Variants in C8A observed in about 807,000 individuals in gnomAD.
C8A encodes the protein complement component C8 alpha chain.
In C8A, 67 loss-of-function variants were observed where a neutral mutation model predicts 65.3. That is an observed-to-expected ratio of 1.03 (90% CI 0.84 to 1.26). C8A has a LOEUF of 1.26. C8A is among the 50% of genes most tolerant of loss of function. C8A has a pLI of 0.00. For missense variants in C8A, 781 were observed against 723.9 expected (o/e 1.08, Z -0.90); for synonymous variants, 290 against 259.4 (o/e 1.12, Z -1.13).
At chr1:56,899,013 G>A (rs1461211963) in intron 7 of C8A, among the ~76,000 whole-genome samples, 2 of 152,058 alleles carry the variant, frequency 1.3e-5, no homozygotes, top group Non-Finnish European at 2.9e-5. Context: ...TAACCAACCA[G>A]TCACCCGAAC....
intron 1 of C8A, among the ~76,000 whole-genome samples, chr1:56,860,136 T>A (rs1457546874): frequency 6.6e-6 from 1 of 152,072 alleles, no homozygotes; most frequent in African/African-American, 2.4e-5. Flanking sequence ...TTAGAGGATA[T>A]CAGAGCAATC....
At chr1:56,910,910 G>GA (rs762577659) in intron 9 of C8A, among the ~76,000 whole-genome samples, 6 of 152,184 alleles carry the variant, frequency 3.9e-5, no homozygotes, top group Non-Finnish European at 8.8e-5. Context: ...CTTGCTCTGT[G>GA]ACCTTGGCAA....
At position 56,902,716 on chromosome 1, in the gene C8A, A is replaced by T. The variant is rs1363412904; in HGVS notation, c.1097-3951A>T. Among the ~76,000 whole-genome samples, 5 of 152,252 alleles carry T rather than the reference A, an allele frequency of 3.3e-5. No individual in the cohort carries two copies. In the East Asian group the frequency reaches 7.7e-4, roughly 24 times the overall value. Reference sequence around the variant, plus strand: ...ATTCTATATATCTGACTATTCATATATCTAATATAAGTGGAATCAGGCAGT... The same window carrying T: ...ATTCTATATATCTGACTATTCATATTTCTAATATAAGTGGAATCAGGCAGT... On this transcript the variant is annotated intron_variant, in intron 7 of 10. Transcript: ENST00000361249.
At chr1:56,910,198 G>A (rs1741988) in intron 9 of C8A, among the ~76,000 whole-genome samples, 15,608 of 152,206 alleles carry the variant, frequency 0.1, 1,251 homozygotes, top group African/African-American at 0.22. Flanking sequence ...TATAGCAAGT[G>A]CTTAGAGTTT....
chr1:56,884,113 A>G (rs1397329816), intron 6 of C8A, among the ~76,000 whole-genome samples: 2 of 152,018 alleles, frequency 1.3e-5, no homozygotes, highest in Non-Finnish European at 2.9e-5. Flanking sequence ...AACCTTCACC[A>G]TTAAGTGCCT....
chr1:56,856,918 C>T (rs1473700837), intron 1 of C8A, among the ~76,000 whole-genome samples: 1 of 152,030 alleles, frequency 6.6e-6, no homozygotes, highest in Non-Finnish European at 1.5e-5. Context: ...TAATCTTCAG[C>T]CTCAAAATCT....
intron 7 of C8A, among the ~76,000 whole-genome samples, chr1:56,888,325 G>A (rs856846): frequency 0.011 from 1,617 of 152,022 alleles, 21 homozygotes; most frequent in African/African-American, 0.028. Context: ...TAATTCATCC[G>A]TCTACATATT....
At chr1:56,878,650 A>T (rs927772817) in intron 4 of C8A, among the ~76,000 whole-genome samples, 28 of 152,072 alleles carry the variant, frequency 1.8e-4, no homozygotes, top group African/African-American at 6.8e-4. Flanking sequence ...CATTTCCCAG[A>T]TTAAAATTTT....
chr1:56,860,213 A>G (rs1267244791), intron 1 of C8A, among the ~76,000 whole-genome samples: 1 of 152,202 alleles, frequency 6.6e-6, no homozygotes, highest in Non-Finnish European at 1.5e-5. Flanking sequence ...GAAGGGCGGT[A>G]GTGAGAAGCC....
intron 1 of C8A, among the ~76,000 whole-genome samples, chr1:56,866,598 G>A (rs113358582): frequency 6.6e-6 from 1 of 152,194 alleles, no homozygotes; most frequent in Non-Finnish European, 1.5e-5. Flanking sequence ...CTACACTAGG[G>A]TTATAATCAT....
chr1:56,898,778 C>G (rs1270502925), intron 7 of C8A, among the ~76,000 whole-genome samples: 1 of 152,120 alleles, frequency 6.6e-6, no homozygotes. Context: ...CAGCGTCTTT[C>G]TAGCTGGGGT....
intron 7 of C8A, among the ~76,000 whole-genome samples, chr1:56,888,691 A>C (rs1431902989): frequency 6.6e-6 from 1 of 152,234 alleles, no homozygotes; most frequent in Admixed American, 6.5e-5. Context: ...TAAAAAAAGC[A>C]TTTAAAAAAC....
rs751915075 is a variant in C8A, at chr1:56,876,203, C to T, written c.458C>T (p.Ala153Val). Reference sequence around the variant, plus strand: ...CCAATTCCAGGATCACAGAAGGCAGCCTTGGGGTGAGGCCCTGCCTACTAG... The same window carrying T: ...CCAATTCCAGGATCACAGAAGGCAGTCTTGGGGTGAGGCCCTGCCTACTAG... ...YEPIPGSQKA[A>V]LGYNILTQED... The change falls in exon 4 of 11, where the codon GCC (alanine) becomes GTC (valine). Residue 153 changes from alanine to valine, a missense_variant. Transcript: ENST00000361249. 8 of 1,613,752 alleles carry T rather than the reference C, an allele frequency of 5.0e-6. No individual in the cohort carries two copies. The Admixed American group carries it at 1.0e-4, about 20-fold the overall frequency.
At chr1:56,870,964 A>G (rs957016852) in intron 2 of C8A, among the ~76,000 whole-genome samples, 11 of 152,266 alleles carry the variant, frequency 7.2e-5, no homozygotes, top group African/African-American at 2.6e-4. Context: ...ACCACAGGCA[A>G]TAGCATGGAG....
chr1:56,913,768 G>A (rs965923459), intron 10 of C8A, among the ~76,000 whole-genome samples: 3 of 152,148 alleles, frequency 2.0e-5, no homozygotes, highest in African/African-American at 7.2e-5. Flanking sequence ...GAAAAACAAA[G>A]AAGTCTGGAT....
At chr1:56,866,812 A>G (rs1644093850) in intron 1 of C8A, among the ~76,000 whole-genome samples, 1 of 152,302 alleles carries the variant, frequency 6.6e-6, no homozygotes, top group Admixed American at 6.5e-5. Flanking sequence ...AGGGGGAAGT[A>G]TAGGGTAAGA....
intron 10 of C8A, among the ~76,000 whole-genome samples, chr1:56,915,528 G>A (rs564830611): frequency 5.9e-5 from 9 of 152,286 alleles, no homozygotes; most frequent in South Asian, 2.1e-4. Flanking sequence ...GGTTGTAGCC[G>A]CCATTTTCCC....
intron 7 of C8A, among the ~76,000 whole-genome samples, chr1:56,893,527 T>A (rs1489221108): frequency 6.6e-6 from 1 of 152,176 alleles, no homozygotes; most frequent in Non-Finnish European, 1.5e-5. Flanking sequence ...CAAGGGCTTG[T>A]TTGGTTGAAA....
At chr1:56,886,481 C>T (rs1238075344) in intron 7 of C8A, among the ~76,000 whole-genome samples, 3 of 152,010 alleles carry the variant, frequency 2.0e-5, no homozygotes, top group African/African-American at 7.2e-5. Context: ...ATGTGAAAAC[C>T]TGTTTTAAAT....
Sources: allele counts gnomAD v4.1 joint callset (sites outside exome capture counted in the v4.1 genomes callset), GRCh38; gene constraint gnomAD v4.1.1; transcripts MANE v1.5; gene names NCBI Gene and HGNC (gene_info 2026-07-23, HGNC 2026-07-21).